Variants in TEAD1 observed in about 807,000 individuals in gnomAD.
The protein encoded by TEAD1 is transcriptional enhancer factor TEF-1.
In TEAD1, 9 loss-of-function variants were observed where a neutral mutation model predicts 54.9. The ratio of observed to expected loss-of-function variants is 0.16; its 90% CI spans 0.10 to 0.29. The LOEUF is 0.29. TEAD1 is among the 10% of genes least tolerant of loss of function. The pLI is 1.00. For synonymous variants in TEAD1, 200 were observed against 187.8 expected (o/e 1.07, Z -0.53); for missense variants, 387 against 535.9 (o/e 0.72, Z 2.74).
At chr11:12,918,463 C>G (rs1420981529) in intron 10 of TEAD1, among the ~76,000 whole-genome samples, 1 of 152,020 alleles carries the variant, frequency 6.6e-6, no homozygotes, top group Non-Finnish European at 1.5e-5. Context: ...AGGGTAATTA[C>G]AAAGCAGTTG....
At chr11:12,880,974 A>G in intron 6 of TEAD1, 31 bp from the exon 7 acceptor site, 2 of 1,613,842 alleles carry the variant, frequency 1.2e-6, no homozygotes. Flanking sequence ...GTAAACTCGT[A>G]ATTCTGAGGC....
At position 12,764,163 on chromosome 11, in the gene TEAD1, T is replaced by C. The variant is rs1945156220; in HGVS notation, c.-54-16T>C. The C allele has an allele frequency of 6.6e-7, 1 of 1,525,404 alleles. No homozygotes were observed. Among genetic ancestry groups the C allele is most frequent in the African/African-American group, 1.4e-5 (1 of 72,432 alleles). 94.5% of individuals were successfully genotyped at this position (1,525,404 alleles called of 1,614,324 possible). A position where few individuals can be genotyped will look rare whatever the true frequency, so the allele number is the denominator to read the frequency against. On this transcript the variant is annotated splice_polypyrimidine_tract_variant and intron_variant, in intron 2 of 12. Transcript: ENST00000527636. ...GGTTACCACATCCTTATACTGTTTT[T>C]GGTTTTCTCTTCTAGGTTTATTTTC... is the stretch of plus-strand genomic sequence containing the variant.
At chr11:12,788,313 G>A (rs1945724281) in intron 3 of TEAD1, among the ~76,000 whole-genome samples, 2 of 151,944 alleles carry the variant, frequency 1.3e-5, no homozygotes, top group African/African-American at 4.8e-5. Context: ...TGTATTTTTA[G>A]TAGTGACGGG....
chr11:12,807,876 C>T (rs1436023279), intron 3 of TEAD1, among the ~76,000 whole-genome samples: 4 of 152,140 alleles, frequency 2.6e-5, no homozygotes, highest in African/African-American at 4.8e-5. Flanking sequence ...GCTGTGTCCC[C>T]GCCTTCCATC....
intron 2 of TEAD1, among the ~76,000 whole-genome samples, chr11:12,717,609 AG>A (rs1372347943): frequency 1.3e-5 from 2 of 152,118 alleles, no homozygotes; most frequent in East Asian, 3.9e-4. Context: ...AGTGGAAGGG[AG>A]GGAGGAGGGG....
chr11:12,906,026 G>T (rs1463245972), intron 10 of TEAD1, among the ~76,000 whole-genome samples: 3 of 152,138 alleles, frequency 2.0e-5, no homozygotes, highest in Non-Finnish European at 4.4e-5. Flanking sequence ...TGATTTTAGG[G>T]TGGAAGATTC....
At position 12,944,361 on chromosome 11, in the gene TEAD1, C is replaced by T. The variant is rs1949188711; in HGVS notation, c.*7139C>T. ...ATTTGTTAACGTCTGTGTTTAGGTACTGGTACCTTTTTGTTTTAAAATGTT... is the reference window on the plus strand; with the variant it reads ...ATTTGTTAACGTCTGTGTTTAGGTATTGGTACCTTTTTGTTTTAAAATGTT... On this transcript the variant is annotated 3_prime_UTR_variant, in exon 13 of 13. Coordinates refer to ENST00000527636, the MANE Select transcript of TEAD1 (RefSeq NM_021961.6). 1.3e-5 allele frequency: 2 copies of T among 152,430 alleles called. No homozygotes were observed. The highest frequency in any genetic ancestry group is 4.8e-5 in the African/African-American group (2 of 41,374). The allele number at this position is 152,430 out of a possible 1,614,324, so 9.4% of individuals were successfully genotyped here.
In TEAD1 at chr11:12,802,389, C is replaced by T. The variant is rs553815138; in HGVS notation, c.202+37955C>T. 3.3e-5 allele frequency among the ~76,000 whole-genome samples: 5 copies of T among 151,682 alleles called. No individual in the cohort carries two copies. In the East Asian group the frequency reaches 5.8e-4, roughly 18 times the overall value. ...AAATCCAGTCACTTTTTTTTTAACC[C>T]GAGGAAGTTGAATCCTGAAGAAGGG... On this transcript the variant is annotated intron_variant, in intron 3 of 12. Coordinates refer to ENST00000527636, the MANE Select transcript of TEAD1 (RefSeq NM_021961.6).
intron 10 of TEAD1, among the ~76,000 whole-genome samples, chr11:12,922,127 T>G (rs900544120): frequency 5.3e-5 from 8 of 152,042 alleles, no homozygotes; most frequent in African/African-American, 1.9e-4. Flanking sequence ...GTAGTTGAAC[T>G]CTGAATTTAG....
chr11:12,812,201 G>A (rs1823110715), intron 3 of TEAD1, among the ~76,000 whole-genome samples: 1 of 152,018 alleles, frequency 6.6e-6, no homozygotes, highest in Non-Finnish European at 1.5e-5. Flanking sequence ...TTGCTTCCTG[G>A]GTTTATAGAG....
At chr11:12,859,295 T>C (rs929158090) in intron 3 of TEAD1, among the ~76,000 whole-genome samples, 1 of 152,206 alleles carries the variant, frequency 6.6e-6, no homozygotes, top group Admixed American at 6.5e-5. Flanking sequence ...TCCCAGAAAA[T>C]AAACAAGTTT....
At chr11:12,696,264 C>T (rs556529987) in intron 2 of TEAD1, among the ~76,000 whole-genome samples, 1 of 152,240 alleles carries the variant, frequency 6.6e-6, no homozygotes, top group South Asian at 2.1e-4. Context: ...ATAGTAGGAC[C>T]AGCTCACCCA....
chr11:12,898,909 T>C (rs1948368980), intron 9 of TEAD1, among the ~76,000 whole-genome samples: 1 of 152,232 alleles, frequency 6.6e-6, no homozygotes, highest in Admixed American at 6.5e-5. Context: ...TCCCCATTGG[T>C]ATGTGGTAGA....
intron 3 of TEAD1, among the ~76,000 whole-genome samples, chr11:12,844,313 A>G (rs1590205108): frequency 6.6e-6 from 1 of 152,220 alleles, no homozygotes; most frequent in Admixed American, 6.5e-5. Flanking sequence ...CTAAGAGTCC[A>G]GAGATTAGAG....
intron 3 of TEAD1, among the ~76,000 whole-genome samples, chr11:12,845,501 G>T (rs1947128154): frequency 6.6e-6 from 1 of 152,124 alleles, no homozygotes; most frequent in Non-Finnish European, 1.5e-5. Context: ...TCATTTCCCA[G>T]ATCCAAAGCT....
At chr11:12,912,158 G>A (rs1277877238) in intron 10 of TEAD1, among the ~76,000 whole-genome samples, 4 of 152,088 alleles carry the variant, frequency 2.6e-5, no homozygotes, top group South Asian at 2.1e-4. Context: ...GGGCCATCTC[G>A]TTGCTAGAAA....
chr11:12,752,731 A>G (rs77351070), intron 2 of TEAD1, among the ~76,000 whole-genome samples: 1 of 152,190 alleles, frequency 6.6e-6, no homozygotes, highest in Non-Finnish European at 1.5e-5. Context: ...AAGTAGTGTG[A>G]CTGAACAACT....
At chr11:12,884,121 C>G (rs766256448) in intron 9 of TEAD1, among the ~76,000 whole-genome samples, 4 of 152,086 alleles carry the variant, frequency 2.6e-5, no homozygotes, top group Non-Finnish European at 4.4e-5. Context: ...TTTCTTCTTT[C>G]CTACCTCCCC....
At chr11:12,749,665 T>C (rs558839588) in intron 2 of TEAD1, among the ~76,000 whole-genome samples, 3 of 152,332 alleles carry the variant, frequency 2.0e-5, no homozygotes, top group African/African-American at 7.2e-5. Flanking sequence ...TTTCTGTCCG[T>C]ACCTCTCTTG....
Sources: allele counts gnomAD v4.1 joint callset (sites outside exome capture counted in the v4.1 genomes callset), GRCh38; gene constraint gnomAD v4.1.1; transcripts MANE v1.5; gene names NCBI Gene and HGNC (gene_info 2026-07-23, HGNC 2026-07-21).